The following KMO variants were observed in gnomAD, a reference collection of about 807,000 sequenced individuals.
KMO encodes kynurenine 3-monooxygenase, also known as kynurenine 3-hydroxylase.
Under a neutral mutation model 57.8 loss-of-function variants are expected in KMO, and 24 were observed. That is an observed-to-expected ratio of 0.42 (90% confidence interval 0.30 to 0.58). KMO has a LOEUF of 0.58. KMO is among the 20% of genes least tolerant of loss of function. The pLI is 0.22. For synonymous variants in KMO, 210 were observed against 193.6 expected, an observed-to-expected ratio of 1.08 and a Z score of -0.70; for missense variants, 483 against 588.2, an observed-to-expected ratio of 0.82 and a Z score of 1.85.
intron 4 of KMO, among the ~76,000 whole-genome samples, chr1:241,553,130 T>C (rs1573913015): frequency 6.6e-6 from 1 of 152,242 alleles, no homozygotes; most frequent in African/African-American, 2.4e-5. Flanking sequence ...GTTTTACTAT[T>C]ATCTTTTTGG....
Position 241,594,341 on chromosome 1 carries a change from G to T in KMO, c.*2188G>T. On this transcript the variant is annotated 3_prime_UTR_variant, in exon 15 of 15. Transcript: ENST00000366559. ...CACAAGGTTCTGTTGATATTACATA[G>T]AACGGGTATTCCAGACACTTCTTAT... is the stretch of plus-strand genomic sequence containing the variant. 1 of 1,400,960 alleles carries T rather than the reference G, an allele frequency of 7.1e-7. No homozygotes were observed. The highest frequency in any genetic ancestry group is 9.8e-7 in the Non-Finnish European group (1 of 1,017,584). 86.8% of individuals were successfully genotyped at this position (1,400,960 alleles called of 1,614,324 possible).
chr1:241,532,645 T>G (rs3765804), intron 1 of KMO, 147 bp downstream of exon 1: 1 of 580,720 alleles, frequency 1.7e-6, no homozygotes, highest in Non-Finnish European at 2.9e-6. Context: ...TTTATTTTTT[T>G]AATATTTTTA....
rs1663193941 is a variant in KMO, at chr1:241,590,141, C to T, written c.1200+28C>T. 3.1e-6 allele frequency: 5 copies of T among 1,607,464 alleles called. No individual in the cohort carries two copies. In the South Asian group the frequency reaches 3.3e-5, roughly 11 times the overall value. On this transcript the variant is annotated intron_variant, in intron 13 of 14. Coordinates refer to ENST00000366559, the MANE Select transcript of KMO (RefSeq NM_003679.5). ...AAGGTCTGGACTGAAGACTTTTCCT[C>T]ATTTTGATTTTCTGTTTAGCTGTTA...
chr1:241,546,689 G>T lies in KMO; in HGVS notation c.55-2140G>T, dbSNP rs73136855. Among the ~76,000 whole-genome samples, 1,011 of 152,222 alleles carry T rather than the reference G, an allele frequency of 6.6e-3. 16 individuals are homozygous for T. The highest frequency in any genetic ancestry group is 0.023 in the African/African-American group (956 of 41,538). The stretch of plus-strand genomic sequence containing the variant: ...ATGGCATATCATTCACTTACATAGG[G>T]AATATGTGGAGAGAATTGATGAGAT... On this transcript the variant is annotated intron_variant, in intron 1 of 14. Coordinates refer to ENST00000366559, the MANE Select transcript of KMO (RefSeq NM_003679.5).
At chr1:241,532,556 C>A (rs377492519) in intron 1 of KMO, 58 bp downstream of exon 1, 8 of 1,231,162 alleles carry the variant, frequency 6.5e-6, no homozygotes, top group Non-Finnish European at 9.2e-6. Context: ...TATTATTACT[C>A]GTAATGATTA....
chr1:241,581,065 G>T (rs1273583037), intron 10 of KMO, among the ~76,000 whole-genome samples: 1 of 151,950 alleles, frequency 6.6e-6, no homozygotes, highest in Non-Finnish European at 1.5e-5. Flanking sequence ...TGACCTTTTT[G>T]TCATTATATA....
rs1248154128 is a variant in KMO at position 241,562,306 on chromosome 1, T to C, written c.589T>C (p.Leu197=). Residue 197 remains leucine, a synonymous_variant, in exon 7 of 15, where the codon TTG becomes CTG. Transcript: ENST00000366559. The stretch of plus-strand genomic sequence containing the variant: ...GTACATTCCTCATGGGTACATGGAG[T>C]TGACTATTCCACCTAAGAACGGAGA... ...QQYIPHGYME[L]TIPPKNGDYA... 9.3e-6 allele frequency: 15 copies of C among 1,614,056 alleles called. No homozygotes were observed. Among genetic ancestry groups the C allele is most frequent in the Non-Finnish European group, 1.3e-5 (15 of 1,179,964 alleles).
rs184437483 is a variant in KMO at position 241,536,532 on chromosome 1, G to A, written c.54+4034G>A. On this transcript the variant is annotated intron_variant, in intron 1 of 14. Transcript: ENST00000366559. Reference sequence around the variant, plus strand: ...TTCAGTGACAGCTAAAGCTACTCAAGACACCATTTTTTGACTGAAGCCAAG... The same window carrying A: ...TTCAGTGACAGCTAAAGCTACTCAAAACACCATTTTTTGACTGAAGCCAAG... The A allele has an allele frequency of 3.2e-4, 311 of 985,646 alleles. 2 individuals carry two copies. In the African/African-American group the frequency reaches 5.2e-3, roughly 16 times the overall value. The allele number at this position is 985,646 out of a possible 1,614,324, so 61.1% of individuals were successfully genotyped here.
chr1:241,552,787 C>G (rs1384676410), intron 4 of KMO, among the ~76,000 whole-genome samples: 1 of 151,822 alleles, frequency 6.6e-6, no homozygotes, highest in Non-Finnish European at 1.5e-5. Flanking sequence ...TCCCTGGCCT[C>G]CCTCCTTCAG....
chr1:241,562,842 AGAAGGAAG>A (rs1162441117), intron 7 of KMO, among the ~76,000 whole-genome samples: 4 of 146,072 alleles, frequency 2.7e-5, no homozygotes, highest in Non-Finnish European at 6.0e-5. Flanking sequence ...CTGTCTTGAA[AGAAGGAAG>A]GAAGGAAGGA....
intron 10 of KMO, among the ~76,000 whole-genome samples, chr1:241,573,912 T>G (rs956073611): frequency 2.6e-5 from 4 of 152,126 alleles, no homozygotes; most frequent in African/African-American, 9.7e-5. Flanking sequence ...TGGAATGGGT[T>G]TCCATTTGTT....
At chr1:241,555,694 T>C (rs1465300104) in intron 5 of KMO, 34 bp downstream of exon 5, 2 of 1,298,032 alleles carry the variant, frequency 1.5e-6, no homozygotes, top group Non-Finnish European at 2.2e-6. Context: ...AGTTGTCATT[T>C]TGAGTAAAGC....
At chr1:241,566,050 C>T (rs1334905914) in intron 8 of KMO, among the ~76,000 whole-genome samples, 1 of 151,870 alleles carries the variant, frequency 6.6e-6, no homozygotes, top group East Asian at 2.0e-4. Context: ...ACTAAAAATA[C>T]AAAAAATTAG....
At chr1:241,573,011 C>T (rs763900675) in intron 10 of KMO, among the ~76,000 whole-genome samples, 5 of 152,034 alleles carry the variant, frequency 3.3e-5, no homozygotes, top group Non-Finnish European at 7.4e-5. Context: ...TGTATATATA[C>T]CACATTTTCT....
chr1:241,533,533 T>C (rs1171082775), intron 1 of KMO, among the ~76,000 whole-genome samples: 2 of 152,232 alleles, frequency 1.3e-5, no homozygotes, highest in Non-Finnish European at 2.9e-5. Context: ...TCACATGATG[T>C]GTTGGTCACT....
chr1:241,532,644 T>G, intron 1 of KMO, 146 bp downstream of exon 1: 1 of 581,686 alleles, frequency 1.7e-6, no homozygotes, highest in Non-Finnish European at 2.9e-6. Context: ...GTTTATTTTT[T>G]TAATATTTTT....
At chr1:241,534,375 C>T (rs1043484753) in intron 1 of KMO, among the ~76,000 whole-genome samples, 1 of 152,140 alleles carries the variant, frequency 6.6e-6, no homozygotes, top group African/African-American at 2.4e-5. Flanking sequence ...TGGGTGTCAT[C>T]CATGGATTTC....
chr1:241,541,169 G>C lies in KMO; in HGVS notation c.55-7660G>C, dbSNP rs1258994128. Among the ~76,000 whole-genome samples, 3 of 152,112 alleles carry C rather than the reference G, an allele frequency of 2.0e-5. No individual in the cohort carries two copies. The South Asian group carries it at 6.2e-4, about 31-fold the overall frequency. ...AAACGGTTGCAGTAGCCTGGTAAAAGCTAATGAGGGCCCCATGTAAGGACA... is the reference window on the plus strand; with the variant it reads ...AAACGGTTGCAGTAGCCTGGTAAAACCTAATGAGGGCCCCATGTAAGGACA... On this transcript the variant is annotated intron_variant, in intron 1 of 14. Coordinates refer to ENST00000366559, the MANE Select transcript of KMO (RefSeq NM_003679.5).
chr1:241,584,513 A>G (rs1181012786), intron 10 of KMO, among the ~76,000 whole-genome samples: 1 of 152,218 alleles, frequency 6.6e-6, no homozygotes, highest in Admixed American at 6.5e-5. Flanking sequence ...GACAAGGTTG[A>G]GTAAAACTAT....
Sources: allele counts gnomAD v4.1 joint callset (sites outside exome capture counted in the v4.1 genomes callset), GRCh38; gene constraint gnomAD v4.1.1; transcripts MANE v1.5; gene names NCBI Gene and HGNC (gene_info 2026-07-23, HGNC 2026-07-21).